CEP152: variants seen among roughly 807,000 people sequenced by gnomAD.
CEP152 encodes the protein centrosomal protein 152, also known as centrosomal protein of 152 kDa.
In CEP152, 132 loss-of-function variants were observed where a neutral mutation model predicts 188.9. The observed-to-expected ratio is 0.70, with a 90% CI of 0.61 to 0.81. The LOEUF is 0.81. Ranked by LOEUF, CEP152 falls within the 30% of genes least tolerant of loss-of-function variation. The pLI, the probability that CEP152 is intolerant of heterozygous loss-of-function variation, is 0.00. For missense variants in CEP152, 1,914 were observed against 1,969.8 expected (o/e 0.97, Z 0.54); for synonymous variants, 649 against 666.6 (o/e 0.97, Z 0.41).
intron 21 of CEP152, 57 bp from the exon 22 acceptor site, chr15:48,748,667 T>A (rs1893651582): frequency 4.7e-6 from 5 of 1,070,550 alleles, no homozygotes; most frequent in Non-Finnish European, 5.9e-6. Flanking sequence ...GAACTATCAT[T>A]AAAAAAAAAA....
chr15:48,743,148 G>A (rs1447689896), intron 24 of CEP152, among the ~76,000 whole-genome samples: 1 of 152,164 alleles, frequency 6.6e-6, no homozygotes, highest in East Asian at 1.9e-4. Flanking sequence ...AAGTTGCGTT[G>A]CTTGTAGCAA....
intron 13 of CEP152, among the ~76,000 whole-genome samples, chr15:48,771,022 G>A (rs1416904234): frequency 6.6e-6 from 1 of 152,060 alleles, no homozygotes; most frequent in Non-Finnish European, 1.5e-5. Flanking sequence ...GGAGGAAAAG[G>A]AGTATACTAC....
chr15:48,788,788 A>G lies in CEP152; in HGVS notation c.1173+13T>C, dbSNP rs768661339. Reference sequence around the variant, plus strand: ...CTTGTTGATAACAGTTGCTCATTTGAAATCATCCCAACCTGTTCTTTAAGT... The same window carrying G: ...CTTGTTGATAACAGTTGCTCATTTGGAATCATCCCAACCTGTTCTTTAAGT... On this transcript the variant is annotated intron_variant, in intron 9 of 26. Coordinates refer to ENST00000380950, the MANE Select transcript of CEP152 (RefSeq NM_001194998.2). The G allele has an allele frequency of 6.2e-7, 1 of 1,612,166 alleles. No homozygotes were observed. The highest frequency in any genetic ancestry group is 2.2e-5 in the East Asian group (1 of 44,874).
chr15:48,760,277 T>G lies in CEP152; in HGVS notation c.2563-11A>C. ...CACAGCTATTTCTACCTGTAGGACA[T>G]TGCAAAAGAAAGAGGTAAAGGGAAG... On this transcript the variant is annotated splice_polypyrimidine_tract_variant and intron_variant, in intron 18 of 26. Transcript: ENST00000380950. 1 of 1,613,866 alleles carries G rather than the reference T, an allele frequency of 6.2e-7. No homozygotes were observed. The highest frequency in any genetic ancestry group is 8.5e-7 in the Non-Finnish European group (1 of 1,179,864).
At chr15:48,732,507 T>G (rs906206944) in intron 2 of CEP152, among the ~76,000 whole-genome samples, 1 of 151,592 alleles carries the variant, frequency 6.6e-6, no homozygotes, top group Non-Finnish European at 1.5e-5. Context: ...TGGGAACACA[T>G]GGACACAGAG....
Position 48,811,004 on chromosome 15 carries a change from G to A in CEP152, c.-51C>T, listed in dbSNP as rs1204342503. On this transcript the variant is annotated 5_prime_UTR_variant, in exon 1 of 27. Coordinates refer to ENST00000380950, the MANE Select transcript of CEP152 (RefSeq NM_001194998.2). ...TTACCGCGAGGAAACTCTAGTCCTG[G>A]CGGAAGACCAACTTCTAGCAGATCC... The A allele has an allele frequency of 1.3e-5, 2 of 152,558 alleles. No homozygotes were observed. Among genetic ancestry groups the A allele is most frequent in the Non-Finnish European group, 2.9e-5 (2 of 68,328 alleles). The allele number at this position is 152,558 out of a possible 1,614,324, so 9.5% of individuals were successfully genotyped here.
intron 9 of CEP152, among the ~76,000 whole-genome samples, chr15:48,785,200 G>A (rs1896545322): frequency 1.3e-5 from 2 of 152,148 alleles, no homozygotes; most frequent in Non-Finnish European, 2.9e-5. Flanking sequence ...TCCCATAAGA[G>A]CACCAATACA....
At chr15:48,742,749 GT>G (rs543439909) in intron 24 of CEP152, among the ~76,000 whole-genome samples, 34 of 146,678 alleles carry the variant, frequency 2.3e-4, no homozygotes, top group East Asian at 2.0e-4. Flanking sequence ...CAGCTTTCAA[GT>G]TTTTTTTTTT....
At chr15:48,745,066 A>G in intron 22 of CEP152, 74 bp from the exon 23 acceptor site, 1 of 1,055,726 alleles carries the variant, frequency 9.5e-7, no homozygotes. Flanking sequence ...AGTTCCCAAT[A>G]CAAATGTTTA....
At position 48,739,206 on chromosome 15, in the gene CEP152, A is replaced by G; in HGVS notation, c.4176T>C (p.Ile1392=). 1 of 1,613,306 alleles carries G rather than the reference A, an allele frequency of 6.2e-7. No individual in the cohort carries two copies. Among genetic ancestry groups the G allele is most frequent in the Non-Finnish European group, 8.5e-7 (1 of 1,179,830 alleles). Reference sequence around the variant, plus strand: ...TGTTTACACTATTTGATTTGCTTTCAATACAACATGGTATTTTCTGATTCA... The same window carrying G: ...TGTTTACACTATTTGATTTGCTTTCGATACAACATGGTATTTTCTGATTCA... The part of the protein sequence containing the change: ...NDVNQKIPCC[I]ESKSNSVNTI... The change falls in exon 27 of 27, where the codon ATT becomes ATC. Residue 1392 remains isoleucine (I), a synonymous_variant. Coordinates refer to ENST00000380950, the MANE Select transcript of CEP152 (RefSeq NM_001194998.2).
intron 2 of CEP152, among the ~76,000 whole-genome samples, chr15:48,801,424 C>G (rs1388185089): frequency 1.3e-5 from 2 of 152,228 alleles, no homozygotes; most frequent in Non-Finnish European, 2.9e-5. Context: ...AAAACCAAGT[C>G]AGTATTGCCA....
At chr15:48,781,762 T>A (rs1259937179) in intron 11 of CEP152, among the ~76,000 whole-genome samples, 2 of 152,102 alleles carry the variant, frequency 1.3e-5, no homozygotes, top group Admixed American at 1.3e-4. Flanking sequence ...GGAACTCTTC[T>A]CCCATATTTT....
chr15:48,801,118 C>T (rs926476946), intron 2 of CEP152, among the ~76,000 whole-genome samples: 3 of 152,156 alleles, frequency 2.0e-5, no homozygotes, highest in Non-Finnish European at 4.4e-5. Flanking sequence ...AAATGGAATA[C>T]CTAACGGTCA....
At chr15:48,801,319 T>C (rs1021888836) in intron 2 of CEP152, among the ~76,000 whole-genome samples, 2 of 152,160 alleles carry the variant, frequency 1.3e-5, no homozygotes, top group Non-Finnish European at 2.9e-5. Flanking sequence ...AGTTAAAAAG[T>C]GGAAGAAAGG....
At chr15:48,797,249 G>GCAAA (rs947182393) in intron 5 of CEP152, 52 bp downstream of exon 5, 54 of 1,588,544 alleles carry the variant, frequency 3.4e-5, no homozygotes, top group Non-Finnish European at 3.7e-5. Context: ...CAAACATCAC[G>GCAAA]CAAATGCGTG....
rs1413718848 is a variant in CEP152, at chr15:48,781,199, G to T, written c.1574C>A (p.Thr525Asn). Residue 525 changes from threonine (T) to asparagine (N), a missense_variant, in exon 12 of 27, where the codon ACC (threonine) becomes AAC (asparagine). Thr to Asn is a moderately conservative substitution (Grantham distance 65). Transcript: ENST00000380950. The part of the protein sequence containing the change: ...KKVNWKKSKV[T>N]SIVQEEDPNE... Reference sequence around the variant, plus strand: ...AACTAAAATATTCTTTCCATACCTGGTAACTTTGGATTTTTTCCAGTTGAC... The same window carrying T: ...AACTAAAATATTCTTTCCATACCTGTTAACTTTGGATTTTTTCCAGTTGAC... 1 of 1,612,942 alleles carries T rather than the reference G, an allele frequency of 6.2e-7. No homozygotes were observed.
rs571974876 is a variant in CEP152 at position 48,779,487 on chromosome 15, C to T, written c.1577+1709G>A. ...TCAGTGATATGTTTTAATCAACCAT[C>T]TACTGTATAACAATAGTAACAGCCA... On this transcript the variant is annotated intron_variant, in intron 12 of 26. Coordinates refer to ENST00000380950, the MANE Select transcript of CEP152 (RefSeq NM_001194998.2). Among the ~76,000 whole-genome samples the T allele has an allele frequency of 2.6e-5, 4 of 152,336 alleles. No homozygotes were observed. In the South Asian group the frequency reaches 8.3e-4, roughly 32 times the overall value.
chr15:48,769,265 C>T (rs1397066874), intron 13 of CEP152, among the ~76,000 whole-genome samples, 184 bp from the exon 14 acceptor site: 1 of 152,178 alleles, frequency 6.6e-6, no homozygotes, highest in African/African-American at 2.4e-5. Flanking sequence ...AGATGCAATA[C>T]TATCAAGTAA....
At chr15:48,745,410 G>T (rs1224907377) in intron 22 of CEP152, among the ~76,000 whole-genome samples, 1 of 151,938 alleles carries the variant, frequency 6.6e-6, no homozygotes, top group Non-Finnish European at 1.5e-5. Context: ...TTAAGTAGGT[G>T]TCTTTTTCAG....
Sources: allele counts gnomAD v4.1 joint callset (sites outside exome capture counted in the v4.1 genomes callset), GRCh38; gene constraint gnomAD v4.1.1; transcripts MANE v1.5; gene names NCBI Gene and HGNC (gene_info 2026-07-23, HGNC 2026-07-21).